The following CACNB2 variants were observed in gnomAD, a reference collection of about 807,000 sequenced individuals.
CACNB2 encodes voltage-dependent L-type calcium channel subunit beta-2.
A neutral mutation model predicts 73.3 loss-of-function variants in CACNB2; 42 were observed. The ratio of observed to expected loss-of-function variants is 0.57; its 90% CI spans 0.45 to 0.74. The LOEUF is 0.74. CACNB2 is among the 30% of genes least tolerant of loss of function. CACNB2 has a pLI of 0.00. For missense variants in CACNB2, 940 were observed against 853.0 expected (o/e 1.10, Z -1.27); for synonymous variants, 348 against 310.3 (o/e 1.12, Z -1.28).
intron 9 of CACNB2, chr10:18,520,018 C>T (rs1231304504): frequency 3.4e-6 from 1 of 290,618 alleles, no homozygotes; most frequent in Admixed American, 5.1e-5. Context: ...GATACTTCCT[C>T]ATCAACTGGA....
At chr10:18,428,419 G>T (rs7077127) in intron 3 of CACNB2, among the ~76,000 whole-genome samples, 48,840 of 151,970 alleles carry the variant, frequency 0.32, 8,436 homozygotes, top group African/African-American at 0.46. Context: ...AGGCATGGTG[G>T]CTCACGCCTG....
intron 9 of CACNB2, among the ~76,000 whole-genome samples, chr10:18,524,654 TAAAAAAAA>T (rs35663592): frequency 8.6e-6 from 1 of 116,900 alleles, no homozygotes; most frequent in Admixed American, 9.1e-5. Context: ...GACTCTATCT[TAAAAAAAA>T]AAAAAAAAAA....
rs146425939 is a variant in CACNB2, at chr10:18,472,698, C to T, written c.334-25657C>T. 2.7e-4 allele frequency among the ~76,000 whole-genome samples: 41 copies of T among 152,218 alleles called. No homozygotes were observed. The East Asian group carries it at 7.1e-3, about 26-fold the overall frequency. ...GTTTTAAAATTGTGTCTGATACAAC[C>T]ACATCTCCTTAATAAACGTATTGGT... On this transcript the variant is annotated intron_variant, in intron 3 of 13. Transcript: ENST00000324631.
At chr10:18,318,100 T>C (rs2040262162) in intron 2 of CACNB2, among the ~76,000 whole-genome samples, 1 of 152,200 alleles carries the variant, frequency 6.6e-6, no homozygotes, top group Non-Finnish European at 1.5e-5. Flanking sequence ...CCATTGACTT[T>C]CTTCACAGAA....
rs2052606851 is a variant in CACNB2, at chr10:18,527,582, C to T, written c.945-6C>T. 1.2e-6 allele frequency: 2 copies of T among 1,605,400 alleles called. No individual in the cohort carries two copies. The highest frequency in any genetic ancestry group is 1.3e-5 in the African/African-American group (1 of 74,724). The stretch of plus-strand genomic sequence containing the variant: ...TAAGGTCTTCTGTGACTTTTTCCTC[C>T]AACAGGATATCCATCACAAGGGTCA... On this transcript the variant is annotated splice_polypyrimidine_tract_variant and splice_region_variant and intron_variant, in intron 9 of 13. Coordinates refer to ENST00000324631, the MANE Select transcript of CACNB2 (RefSeq NM_201596.3).
At chr10:18,217,289 G>A (rs898282145) in intron 2 of CACNB2, among the ~76,000 whole-genome samples, 1 of 152,156 alleles carries the variant, frequency 6.6e-6, no homozygotes, top group Non-Finnish European at 1.5e-5. Context: ...TTCGAGACCA[G>A]TCTGGCCAAC....
chr10:18,391,182 C>T (rs2043452478), intron 2 of CACNB2, among the ~76,000 whole-genome samples: 2 of 152,150 alleles, frequency 1.3e-5, no homozygotes, highest in South Asian at 4.1e-4. Flanking sequence ...ATTAAGTTGG[C>T]ATTTGTGGAG....
At chr10:18,243,022 A>G (rs1305929788) in intron 2 of CACNB2, among the ~76,000 whole-genome samples, 1 of 146,310 alleles carries the variant, frequency 6.8e-6, no homozygotes, top group Non-Finnish European at 1.5e-5. Flanking sequence ...AAAAAAAACA[A>G]AAAAAAGAAA....
intron 2 of CACNB2, among the ~76,000 whole-genome samples, chr10:18,243,648 A>G (rs576387209): frequency 7.2e-5 from 11 of 152,202 alleles, no homozygotes; most frequent in African/African-American, 2.6e-4. Flanking sequence ...TGTCTTGGGA[A>G]TAGGTTAGTT....
rs1230696382 is a variant in CACNB2 at position 18,335,822 on chromosome 10, CACAT to C, written c.214-66098_214-66095del. Among the ~76,000 whole-genome samples, 178 of 138,252 alleles carry C rather than the reference CACAT, an allele frequency of 1.3e-3. 1 individual carries two copies. The highest frequency in any genetic ancestry group is 3.2e-3 in the African/African-American group (124 of 39,210). 90.7% of individuals were successfully genotyped at this position (138,252 alleles called of 152,430 possible). The stretch of plus-strand genomic sequence containing the variant: ...ACACACACACACACACACACACACA[CACAT>C]ACACACACAGTTATTTAGTAGTAGA... On this transcript the variant is annotated intron_variant, in intron 2 of 13. Transcript: ENST00000324631.
intron 2 of CACNB2, among the ~76,000 whole-genome samples, chr10:18,161,133 C>T (rs12357580): frequency 0.26 from 40,059 of 152,000 alleles, 5,366 homozygotes; most frequent in East Asian, 0.36. Flanking sequence ...GGAAGAAGCT[C>T]TGTAGAGTCT....
chr10:18,332,501 T>A (rs1023273820), intron 2 of CACNB2, among the ~76,000 whole-genome samples: 3 of 152,182 alleles, frequency 2.0e-5, no homozygotes, highest in Non-Finnish European at 4.4e-5. Context: ...AGACCTTAAA[T>A]ATTTAGGAAA....
intron 3 of CACNB2, among the ~76,000 whole-genome samples, chr10:18,473,153 T>G (rs1285899682): frequency 6.6e-6 from 1 of 152,214 alleles, no homozygotes; most frequent in African/African-American, 2.4e-5. Flanking sequence ...GTCCACGCTT[T>G]AGCTCCACCC....
rs2054072930 is a variant in CACNB2 at position 18,541,629 on chromosome 10, GGAGGGTGGATCACCT to G, written c.*1910_*1924del. ...TAATCCCAGCAATTTGGGAGGCTGA[GGAGGGTGGATCACCT>G]GAGGTCAGGAGTTCAAGACCAGCCT... is the stretch of plus-strand genomic sequence containing the variant. On this transcript the variant is annotated 3_prime_UTR_variant, in exon 14 of 14. Transcript: ENST00000324631. 6.6e-6 allele frequency: 1 copy of G among 152,240 alleles called. No homozygotes were observed. Among genetic ancestry groups the G allele is most frequent in the Non-Finnish European group, 1.5e-5 (1 of 68,080 alleles). 9.4% of individuals were successfully genotyped at this position (152,240 alleles called of 1,614,324 possible). A position where few individuals can be genotyped will look rare whatever the true frequency, so the allele number is the denominator to read the frequency against.
chr10:18,404,084 A>G (rs12355091), intron 3 of CACNB2, among the ~76,000 whole-genome samples: 35,629 of 152,042 alleles, frequency 0.23, 4,578 homozygotes, highest in Middle Eastern at 0.37. Context: ...AAACCATCCC[A>G]TGTACCTCAT....
rs34924301 is a variant in CACNB2 at position 18,181,065 on chromosome 10, G to GAAAAAAA, written c.213+30101_213+30107dup. 1.1e-3 allele frequency among the ~76,000 whole-genome samples: 128 copies of GAAAAAAA among 117,858 alleles called. No individual in the cohort carries two copies. The East Asian group carries it at 0.014, about 13-fold the overall frequency. The allele number at this position is 117,858 out of a possible 152,430, so 77.3% of individuals were successfully genotyped here. ...TACATTGAGGCTTTTAGCCAAAATA[G>GAAAAAAA]AAAAAAAAAAAAAAAAAGAGGTCAA... is the stretch of plus-strand genomic sequence containing the variant. On this transcript the variant is annotated intron_variant, in intron 2 of 13. Transcript: ENST00000324631.
intron 2 of CACNB2, among the ~76,000 whole-genome samples, chr10:18,269,595 G>A (rs1053863577): frequency 5.9e-5 from 9 of 152,244 alleles, no homozygotes; most frequent in East Asian, 1.9e-4. Flanking sequence ...CTGCACATAC[G>A]CTGATAGCTA....
At position 18,187,261 on chromosome 10, in the gene CACNB2, C is replaced by A. The variant is rs2034196159; in HGVS notation, c.213+36286C>A. Among the ~76,000 whole-genome samples the A allele has an allele frequency of 2.0e-5, 3 of 152,258 alleles. No individual in the cohort carries two copies. The South Asian group carries it at 6.2e-4, about 32-fold the overall frequency. ...GTGGGGATGGCAGCTAGGAGAACCT[C>A]ACTTAACACTGGGCACATTCTGTTA... On this transcript the variant is annotated intron_variant, in intron 2 of 13. Coordinates refer to ENST00000324631, the MANE Select transcript of CACNB2 (RefSeq NM_201596.3).
chr10:18,255,500 A>C (rs533783670), intron 2 of CACNB2, among the ~76,000 whole-genome samples: 27 of 152,272 alleles, frequency 1.8e-4, no homozygotes, highest in African/African-American at 6.3e-4. Context: ...TTTGATTCAA[A>C]TTGCCTTGCC....
Sources: gnomAD v4.1 joint callset for allele counts (sites outside exome capture counted in the v4.1 genomes callset) on GRCh38, gnomAD v4.1.1 for gene constraint, MANE v1.5 for transcripts, NCBI Gene and HGNC (gene_info 2026-07-23, HGNC 2026-07-21) for gene names.